MAP3K20: variants seen among roughly 807,000 people sequenced by gnomAD.
The protein encoded by MAP3K20 is HCCS-4.
MAP3K20 carries 40 observed loss-of-function variants against 85.7 expected under a neutral mutation model. The ratio of observed to expected loss-of-function variants is 0.47; its 90% CI spans 0.36 to 0.61. The LOEUF is 0.61. Among genes scored for constraint, MAP3K20 ranks in the 20% least tolerant of loss-of-function variants. The pLI, the probability that MAP3K20 is intolerant of heterozygous loss-of-function variation, is 0.00. For synonymous variants in MAP3K20, 325 were observed against 327.7 expected (o/e 0.99, Z 0.09); for missense variants, 817 against 961.7 (o/e 0.85, Z 1.99).
chr2:173,241,066 G>A (rs1172878434), intron 16 of MAP3K20, among the ~76,000 whole-genome samples: 1 of 152,200 alleles, frequency 6.6e-6, no homozygotes, highest in East Asian at 1.9e-4. Flanking sequence ...ATAGTAGAAT[G>A]ATGATTACCA....
chr2:173,134,413 TATATA>T (rs1319924864), intron 2 of MAP3K20, among the ~76,000 whole-genome samples: 7 of 12,850 alleles, frequency 5.4e-4, no homozygotes, highest in African/African-American at 1.6e-3. Flanking sequence ...TATATATATA[TATATA>T]TATATATATA....
Position 173,266,249 on chromosome 2 carries a change from A to G in MAP3K20, c.1902A>G (p.Arg634=). The G allele has an allele frequency of 6.2e-7, 1 of 1,614,094 alleles. No individual in the cohort carries two copies. The highest frequency in any genetic ancestry group is 8.5e-7 in the Non-Finnish European group (1 of 1,180,000). ...AGATTACACCTGTGAACCAGTCCAG[A>G]AGCTCGTCTCCTACTCAGTATGGAC... The part of the protein sequence containing the change: ...YQQITPVNQS[R]SSSPTQYGLT... The change falls in exon 20 of 20, where the codon AGA becomes AGG. Residue 634 remains arginine, a synonymous_variant. Coordinates refer to ENST00000375213, the MANE Select transcript of MAP3K20 (RefSeq NM_016653.3).
chr2:173,255,755 G>A (rs1685143551), intron 16 of MAP3K20, among the ~76,000 whole-genome samples: 1 of 152,190 alleles, frequency 6.6e-6, no homozygotes, highest in African/African-American at 2.4e-5. Flanking sequence ...CTGTGCTTTT[G>A]ACTAACTTAA....
At chr2:173,229,993 G>A (rs1300601757) in intron 12 of MAP3K20, among the ~76,000 whole-genome samples, 2 of 152,096 alleles carry the variant, frequency 1.3e-5, no homozygotes, top group South Asian at 2.1e-4. Context: ...CAGCATGCCT[G>A]GCTAATTTTT....
At chr2:173,121,932 C>T (rs926801240) in intron 2 of MAP3K20, among the ~76,000 whole-genome samples, 4 of 152,108 alleles carry the variant, frequency 2.6e-5, no homozygotes, top group Non-Finnish European at 4.4e-5. Flanking sequence ...TGTTCATGGC[C>T]CCATTGAGTA....
At chr2:173,167,162 G>A (rs1468603003) in intron 2 of MAP3K20, among the ~76,000 whole-genome samples, 5 of 151,738 alleles carry the variant, frequency 3.3e-5, no homozygotes, top group African/African-American at 4.8e-5. Context: ...TGATCCACCC[G>A]CCTCGGCCTC....
At chr2:173,145,816 T>C (rs1423498981) in intron 2 of MAP3K20, among the ~76,000 whole-genome samples, 1 of 152,166 alleles carries the variant, frequency 6.6e-6, no homozygotes, top group Non-Finnish European at 1.5e-5. Flanking sequence ...AGAATATTTG[T>C]AGCAGCTGTT....
intron 2 of MAP3K20, among the ~76,000 whole-genome samples, chr2:173,151,487 G>A (rs1451836229): frequency 2.6e-5 from 4 of 152,180 alleles, no homozygotes; most frequent in Non-Finnish European, 4.4e-5. Flanking sequence ...GAATGCAGGT[G>A]TCTTGATTGT....
chr2:173,257,791 G>C (rs1042680363), intron 16 of MAP3K20, among the ~76,000 whole-genome samples: 7 of 152,056 alleles, frequency 4.6e-5, no homozygotes, highest in Non-Finnish European at 1.0e-4. Context: ...ATTAATATGA[G>C]AGTTCCAGTA....
At chr2:173,119,914 G>A (rs74678113) in intron 2 of MAP3K20, among the ~76,000 whole-genome samples, 1 of 152,180 alleles carries the variant, frequency 6.6e-6, no homozygotes, top group East Asian at 1.9e-4. Flanking sequence ...CATAAAGTTA[G>A]CCTCTAACAA....
chr2:173,109,068 A>G (rs1687869064), intron 2 of MAP3K20, among the ~76,000 whole-genome samples: 1 of 152,240 alleles, frequency 6.6e-6, no homozygotes, highest in Admixed American at 6.5e-5. Flanking sequence ...TTGATGGCCC[A>G]GAATTTTAAT....
chr2:173,242,694 T>A (rs1229478179), intron 16 of MAP3K20, among the ~76,000 whole-genome samples: 2 of 129,012 alleles, frequency 1.6e-5, no homozygotes, highest in Admixed American at 1.8e-4. Flanking sequence ...TCCAGAGTAA[T>A]CTTTCTTTTT....
At chr2:173,233,112 C>T (rs957379038) in intron 14 of MAP3K20, among the ~76,000 whole-genome samples, 8 of 152,092 alleles carry the variant, frequency 5.3e-5, no homozygotes, top group Non-Finnish European at 1.2e-4. Context: ...GTAAGAAATA[C>T]CACAAAGGCA....
intron 14 of MAP3K20, among the ~76,000 whole-genome samples, chr2:173,237,169 G>T (rs1684674064): frequency 6.6e-6 from 1 of 151,858 alleles, no homozygotes; most frequent in Non-Finnish European, 1.5e-5. Flanking sequence ...TGGAATTATA[G>T]GCGCAGGCTA....
chr2:173,084,457 C>A (rs1687093860), intron 1 of MAP3K20, among the ~76,000 whole-genome samples: 1 of 147,574 alleles, frequency 6.8e-6, no homozygotes. Flanking sequence ...TGTGTTTTAG[C>A]AATTTAAATA....
intron 2 of MAP3K20, among the ~76,000 whole-genome samples, chr2:173,155,532 C>G (rs915663884): frequency 1.3e-5 from 2 of 152,138 alleles, no homozygotes; most frequent in Non-Finnish European, 2.9e-5. Flanking sequence ...AGGAAACTAA[C>G]TGGAGATACT....
At position 173,192,727 on chromosome 2, in the gene MAP3K20, CTTTGT is replaced by C. The variant is rs879446008; in HGVS notation, c.582+1551_582+1555del. Among the ~76,000 whole-genome samples, 698 of 152,266 alleles carry C rather than the reference CTTTGT, an allele frequency of 4.6e-3. 12 individuals are homozygous for C. The highest frequency in any genetic ancestry group is 0.028 in the Admixed American group (435 of 15,298). ...GGGGTATTTGTAGCAATTTAAGACT[CTTTGT>C]AAGATTGTTTTCTCTTGTGAAAGTG... On this transcript the variant is annotated intron_variant, in intron 7 of 19. Coordinates refer to ENST00000375213, the MANE Select transcript of MAP3K20 (RefSeq NM_016653.3).
chr2:173,250,675 C>T (rs1685021750), intron 16 of MAP3K20, among the ~76,000 whole-genome samples: 1 of 152,170 alleles, frequency 6.6e-6, no homozygotes, highest in African/African-American at 2.4e-5. Flanking sequence ...ATCAGTACAG[C>T]AATAGTCCTG....
At chr2:173,192,856 G>C (rs952234178) in intron 7 of MAP3K20, 3 of 152,142 alleles carry the variant, frequency 2.0e-5, no homozygotes, top group African/African-American at 7.2e-5. Flanking sequence ...ACGGCCTCTC[G>C]TTTTGTCCTG....
Sources: allele counts gnomAD v4.1 joint callset (sites outside exome capture counted in the v4.1 genomes callset), GRCh38; gene constraint gnomAD v4.1.1; transcripts MANE v1.5; gene names NCBI Gene and HGNC (gene_info 2026-07-23, HGNC 2026-07-21).